LNX1: variants seen among roughly 807,000 people sequenced by gnomAD.
The protein encoded by LNX1 is ligand of numb-protein X 1.
A neutral mutation model predicts 68.4 loss-of-function variants in LNX1; 54 were observed. The ratio of observed to expected loss-of-function variants is 0.79; its 90% confidence interval spans 0.63 to 0.99. The LOEUF (loss-of-function observed/expected upper bound fraction) is 0.99, where lower values mean the gene tolerates loss of function less well. LNX1 is among the 50% of genes least tolerant of loss of function. LNX1 has a pLI of 0.00. For missense variants in LNX1, 906 were observed against 926.4 expected (o/e 0.98, Z 0.29); for synonymous variants, 336 against 350.0 (o/e 0.96, Z 0.45).
At chr4:53,613,952 C>T (rs1733592118) in intron 2 of LNX1, among the ~76,000 whole-genome samples, 1 of 149,592 alleles carries the variant, frequency 6.7e-6, no homozygotes, top group Non-Finnish European at 1.5e-5. Context: ...TCCTTTTTCT[C>T]CACAACCTCA....
At chr4:53,604,966 C>T (rs1487919881) in intron 2 of LNX1, among the ~76,000 whole-genome samples, 1 of 152,176 alleles carries the variant, frequency 6.6e-6, no homozygotes, top group Admixed American at 6.5e-5. Flanking sequence ...TTTGCAAAGT[C>T]ACCAGGGAAT....
chr4:53,604,014 T>G (rs1733127264), intron 2 of LNX1: 2 of 152,300 alleles, frequency 1.3e-5, no homozygotes, highest in South Asian at 4.1e-4. Context: ...CCTAGAATAT[T>G]TGGTGATGGT....
intron 7 of LNX1, among the ~76,000 whole-genome samples, chr4:53,480,541 A>C (rs745497021): frequency 1.6e-4 from 25 of 152,242 alleles, no homozygotes; most frequent in Non-Finnish European, 2.2e-4. Flanking sequence ...GTTAAATTTA[A>C]ACATTAAGCA....
chr4:53,563,693 C>G (rs1730437282), intron 2 of LNX1, among the ~76,000 whole-genome samples: 1 of 152,266 alleles, frequency 6.6e-6, no homozygotes, highest in Non-Finnish European at 1.5e-5. Flanking sequence ...TGTCACCACG[C>G]CTGGTTAATT....
At chr4:53,542,388 T>C (rs180705409) in intron 2 of LNX1, among the ~76,000 whole-genome samples, 187 of 152,332 alleles carry the variant, frequency 1.2e-3, no homozygotes, top group Admixed American at 2.0e-3. Flanking sequence ...CTTGGGATTT[T>C]ATATTCACTG....
At chr4:53,476,067 C>A (rs1029083950) in intron 9 of LNX1, among the ~76,000 whole-genome samples, 1 of 152,124 alleles carries the variant, frequency 6.6e-6, no homozygotes, top group African/African-American at 2.4e-5. Context: ...CAGGCCGAGG[C>A]AGGCAGATTG....
chr4:53,498,160 C>T lies in LNX1; in HGVS notation c.978+481G>A, dbSNP rs140611153. Among the ~76,000 whole-genome samples the T allele has an allele frequency of 6.1e-4, 92 of 151,924 alleles. No homozygotes were observed. The East Asian group carries it at 0.014, about 24-fold the overall frequency. On this transcript the variant is annotated intron_variant, in intron 5 of 10. Coordinates refer to ENST00000263925, the MANE Select transcript of LNX1 (RefSeq NM_001126328.3). ...GATTACTTTTATTTTCAGGGAGGGC[C>T]GTAAGACTATAGGAAATTGACTTTC...
intron 1 of LNX1, among the ~76,000 whole-genome samples, chr4:53,651,677 C>T (rs1328217563): frequency 6.6e-6 from 1 of 152,198 alleles, no homozygotes; most frequent in Non-Finnish European, 1.5e-5. Flanking sequence ...CACCCGTGAG[C>T]AGGTCACAGC....
chr4:53,495,064 G>A (rs1278926080), intron 6 of LNX1, among the ~76,000 whole-genome samples: 2 of 152,156 alleles, frequency 1.3e-5, no homozygotes, highest in East Asian at 3.8e-4. Context: ...TGTGGTGATG[G>A]AAATCTTCTG....
intron 2 of LNX1, among the ~76,000 whole-genome samples, chr4:53,563,318 A>T (rs1232107411): frequency 6.6e-6 from 1 of 152,154 alleles, no homozygotes; most frequent in Non-Finnish European, 1.5e-5. Flanking sequence ...CTATGACAAG[A>T]CTCCCATACA....
chr4:53,616,028 G>T (rs1733665790), intron 2 of LNX1, among the ~76,000 whole-genome samples: 1 of 151,784 alleles, frequency 6.6e-6, no homozygotes, highest in Non-Finnish European at 1.5e-5. Context: ...GTATTCATTT[G>T]CCCTCCCTGC....
intron 1 of LNX1, among the ~76,000 whole-genome samples, chr4:53,586,775 T>C (rs1732197994): frequency 6.6e-6 from 1 of 152,204 alleles, no homozygotes; most frequent in African/African-American, 2.4e-5. Context: ...GATCATCTTG[T>C]CTACCTTCTA....
intron 2 of LNX1, among the ~76,000 whole-genome samples, chr4:53,560,698 G>T (rs145790322): frequency 5.3e-4 from 80 of 152,288 alleles, no homozygotes; most frequent in Non-Finnish European, 8.5e-4. Context: ...AGACCATGAG[G>T]TGACAAACTT....
At chr4:53,629,874 GC>G (rs1734206337) in intron 1 of LNX1, among the ~76,000 whole-genome samples, 1 of 152,016 alleles carries the variant, frequency 6.6e-6, no homozygotes, top group Admixed American at 6.6e-5. Flanking sequence ...AATGAGTGAT[GC>G]TGCTTTATCC....
chr4:53,476,971 C>A lies in LNX1; in HGVS notation c.1674G>T (p.Leu558Phe). Residue 558 changes from leucine (L) to phenylalanine (F), a missense_variant, in exon 9 of 11, where the codon TTG becomes TTT. Leu to Phe is a conservative substitution (Grantham distance 22, BLOSUM62 0). Transcript: ENST00000263925. ...TCAGTTCGACCCCATCCACATTCAA[C>A]AAAATGTCACCTGATGGCCAGAGAA... ...RDGRIKTGDI[L>F]LNVDGVELTE... 1 of 1,613,780 alleles carries A rather than the reference C, an allele frequency of 6.2e-7. No individual in the cohort carries two copies. The highest frequency in any genetic ancestry group is 8.5e-7 in the Non-Finnish European group (1 of 1,179,820).
intron 1 of LNX1, chr4:53,617,170 T>C (rs1022695446): frequency 5.3e-5 from 7 of 131,316 alleles, no homozygotes; most frequent in Non-Finnish European, 1.0e-4. Flanking sequence ...CACAGTAAAA[T>C]GACCAAAAAA....
intron 4 of LNX1, chr4:53,501,893 G>C (rs957603527): frequency 2.0e-5 from 3 of 152,134 alleles, no homozygotes; most frequent in African/African-American, 7.2e-5. Context: ...ACTCCAGCCC[G>C]CCTACTCATT....
At position 53,460,785 on chromosome 4, in the gene LNX1, T is replaced by A. The variant is rs368922333; in HGVS notation, c.*122A>T. The A allele has an allele frequency of 5.6e-4, 590 of 1,053,978 alleles. No individual in the cohort carries two copies. The highest frequency in any genetic ancestry group is 8.0e-4 in the Middle Eastern group (3 of 3,768). 65.3% of individuals were successfully genotyped at this position (1,053,978 alleles called of 1,614,324 possible). ...ACTGGCTTTCATTAGATGATCATAC[T>A]TTTCCTGACATTTTTACAATGTATT... On this transcript the variant is annotated 3_prime_UTR_variant, in exon 11 of 11. Transcript: ENST00000263925.
At chr4:53,604,249 G>A (rs1560690729) in intron 2 of LNX1, among the ~76,000 whole-genome samples, 1 of 152,120 alleles carries the variant, frequency 6.6e-6, no homozygotes, top group Non-Finnish European at 1.5e-5. Context: ...AGCACCTAAA[G>A]CTTGTATATT....
Sources: gnomAD v4.1 joint callset for allele counts (sites outside exome capture counted in the v4.1 genomes callset) on GRCh38, gnomAD v4.1.1 for gene constraint, MANE v1.5 for transcripts, NCBI Gene and HGNC (gene_info 2026-07-23, HGNC 2026-07-21) for gene names.